MAF: variants seen among roughly 807,000 people sequenced by gnomAD.
MAF encodes MAF bZIP transcription factor, also known as transcription factor Maf.
MAF carries 10 observed loss-of-function variants against 22.0 expected under a neutral mutation model. The observed-to-expected ratio is 0.45, with a 90% CI of 0.28 to 0.77. The LOEUF (loss-of-function observed/expected upper bound fraction) is 0.77, where lower values mean the gene tolerates loss of function less well. Ranked by LOEUF, MAF falls within the 30% of genes least tolerant of loss-of-function variation. The pLI, the probability that MAF is intolerant of heterozygous loss-of-function variation, is 0.12. For missense variants in MAF, 544 were observed against 548.4 expected (o/e 0.99, Z 0.08); for synonymous variants, 337 against 255.8 (o/e 1.32, Z -3.03).
the MAF span, among the ~76,000 whole-genome samples, chr16:79,349,483 C>T: frequency 6.6e-6 from 1 of 152,160 alleles, no homozygotes. Flanking sequence ...GAGGTCATTG[C>T]CAATTTCAAA....
chr16:79,296,118 G>A, the MAF span, among the ~76,000 whole-genome samples: 1 of 152,202 alleles, frequency 6.6e-6, no homozygotes, highest in African/African-American at 2.4e-5. Context: ...CTCTTTCTTA[G>A]CCTTATCTGT....
chr16:79,262,260 C>T, the MAF span, among the ~76,000 whole-genome samples: 1 of 152,132 alleles, frequency 6.6e-6, no homozygotes, highest in Non-Finnish European at 1.5e-5. Context: ...CAGTAGGTAT[C>T]GTCACTGGAA....
the MAF span, among the ~76,000 whole-genome samples, chr16:79,247,070 T>C: frequency 6.6e-6 from 1 of 152,170 alleles, no homozygotes; most frequent in Non-Finnish European, 1.5e-5. Flanking sequence ...TAGAGTATAA[T>C]GGGCAAGTGC....
At chr16:79,302,454 C>A in the MAF span, among the ~76,000 whole-genome samples, 1 of 152,344 alleles carries the variant, frequency 6.6e-6, no homozygotes, top group Non-Finnish European at 1.5e-5. Flanking sequence ...AGAATCAGAT[C>A]AACCCACATG....
At chr16:79,562,485 C>T in the MAF span, among the ~76,000 whole-genome samples, 286 of 152,302 alleles carry the variant, frequency 1.9e-3, 1 homozygote, top group African/African-American at 6.5e-3. Context: ...GGGAAAAATA[C>T]ATTTTGTAGG....
At chr16:79,486,148 G>A in the MAF span, among the ~76,000 whole-genome samples, 31 of 152,284 alleles carry the variant, frequency 2.0e-4, no homozygotes, top group African/African-American at 7.0e-4. Context: ...TTCCCTGCCA[G>A]CTCAGGAACC....
chr16:79,369,179 T>C, the MAF span, among the ~76,000 whole-genome samples: 39 of 152,340 alleles, frequency 2.6e-4, no homozygotes, highest in East Asian at 7.5e-3. Flanking sequence ...GAGAAGTTAG[T>C]TGCCCAGAGT....
the MAF span, among the ~76,000 whole-genome samples, chr16:79,292,752 T>C: frequency 1.3e-5 from 2 of 152,198 alleles, no homozygotes; most frequent in Admixed American, 1.3e-4. Context: ...CAAGATGCAG[T>C]AAAGAAGCCA....
At chr16:79,242,331 A>C in the MAF span, among the ~76,000 whole-genome samples, 4 of 151,514 alleles carry the variant, frequency 2.6e-5, no homozygotes, top group Non-Finnish European at 5.9e-5. Context: ...CTCAAAATAA[A>C]GGCATGGAGG....
At chr16:79,562,635 A>T in the MAF span, among the ~76,000 whole-genome samples, 7 of 152,314 alleles carry the variant, frequency 4.6e-5, no homozygotes, top group African/African-American at 1.7e-4. Context: ...CAACATCTGT[A>T]GACCTCGGAC....
At chr16:79,391,133 G>T in the MAF span, among the ~76,000 whole-genome samples, 1 of 152,054 alleles carries the variant, frequency 6.6e-6, no homozygotes, top group Non-Finnish European at 1.5e-5. Context: ...CCAGCCTCTG[G>T]AGTCAGAAAA....
chr16:79,581,095 A>T (rs985874577), downstream of MAF, among the ~76,000 whole-genome samples: 6 of 152,186 alleles, frequency 3.9e-5, no homozygotes, highest in Non-Finnish European at 8.8e-5. Flanking sequence ...CTTGATTTCA[A>T]CACTATTAAA....
chr16:79,587,413 T>A (rs1209355593), intron 1 of MAF, among the ~76,000 whole-genome samples: 3 of 149,662 alleles, frequency 2.0e-5, no homozygotes, highest in Non-Finnish European at 4.5e-5. Context: ...AAAAAAAACT[T>A]CCCCGATAGG....
the MAF span, among the ~76,000 whole-genome samples, chr16:79,413,624 G>T: frequency 5.3e-5 from 8 of 152,032 alleles, no homozygotes; most frequent in Admixed American, 5.2e-4. Context: ...ACTTCATAGA[G>T]TTATTATAAG....
chr16:79,310,917 G>T, the MAF span, among the ~76,000 whole-genome samples: 1 of 152,216 alleles, frequency 6.6e-6, no homozygotes, highest in Non-Finnish European at 1.5e-5. Context: ...TGGCTGGCAG[G>T]TGCTGAGCGT....
At chr16:79,318,306 A>G in the MAF span, among the ~76,000 whole-genome samples, 4 of 152,178 alleles carry the variant, frequency 2.6e-5, no homozygotes, top group African/African-American at 7.2e-5. Context: ...GCTAAATGGT[A>G]AGGAGCAACT....
At chr16:79,340,949 G>C in the MAF span, among the ~76,000 whole-genome samples, 15 of 152,152 alleles carry the variant, frequency 9.9e-5, no homozygotes, top group African/African-American at 2.9e-4. Flanking sequence ...GAGGAAGATG[G>C]GTGGTCAGGT....
chr16:79,328,071 T>A, the MAF span, among the ~76,000 whole-genome samples: 1 of 152,190 alleles, frequency 6.6e-6, no homozygotes, highest in Non-Finnish European at 1.5e-5. Flanking sequence ...TTGTAAGGAT[T>A]AAGTGAAATA....
the MAF span, among the ~76,000 whole-genome samples, chr16:79,441,605 A>G: frequency 6.6e-6 from 1 of 152,264 alleles, no homozygotes; most frequent in Non-Finnish European, 1.5e-5. Flanking sequence ...GTCTTCAATC[A>G]TTTAAAGATG....
Sources: allele counts gnomAD v4.1 joint callset (sites outside exome capture counted in the v4.1 genomes callset), GRCh38; gene constraint gnomAD v4.1.1; transcripts MANE v1.5; gene names NCBI Gene and HGNC (gene_info 2026-07-23, HGNC 2026-07-21).